EPHA4: variants seen among roughly 807,000 people sequenced by gnomAD.
EPHA4 encodes the protein EPH receptor A4, also known as ephrin type-A receptor 4.
Under a neutral mutation model 108.3 loss-of-function variants are expected in EPHA4, and 19 were observed. That is an observed-to-expected ratio of 0.18 (90% CI 0.12 to 0.26). EPHA4 has a LOEUF of 0.26. Ranked by LOEUF, EPHA4 falls within the 10% of genes least tolerant of loss-of-function variation. The probability of loss-of-function intolerance (pLI) is 1.00; values close to 1 mark genes in which losing one functional copy is unlikely to be tolerated. For synonymous variants in EPHA4, 449 were observed against 455.5 expected (o/e 0.99, Z 0.18); for missense variants, 917 against 1,254.0 (o/e 0.73, Z 4.06).
chr2:221,482,228 T>C, intron 5 of EPHA4, 124 bp downstream of exon 5: 1 of 1,051,504 alleles, frequency 9.5e-7, no homozygotes, highest in Non-Finnish European at 1.3e-6. Flanking sequence ...ATCTTTTACA[T>C]TATAACGCAG....
At chr2:221,567,861 C>G (rs1574667456) in intron 2 of EPHA4, among the ~76,000 whole-genome samples, 1 of 152,176 alleles carries the variant, frequency 6.6e-6, no homozygotes, top group South Asian at 2.1e-4. Context: ...CATAAACTAT[C>G]AAGCCTGTGA....
intron 8 of EPHA4, among the ~76,000 whole-genome samples, chr2:221,448,440 G>T (rs540090290): frequency 2.0e-5 from 3 of 152,234 alleles, no homozygotes; most frequent in Non-Finnish European, 1.5e-5. Flanking sequence ...GAATTCAATT[G>T]CTCTTAAAAT....
chr2:221,423,945 G>A (rs1463991184), intron 17 of EPHA4, among the ~76,000 whole-genome samples: 3 of 151,656 alleles, frequency 2.0e-5, no homozygotes, highest in Non-Finnish European at 4.4e-5. Flanking sequence ...GTGAAACCCC[G>A]TCTCCACTAA....
At chr2:221,467,547 T>C (rs1691349419) in intron 5 of EPHA4, among the ~76,000 whole-genome samples, 1 of 152,228 alleles carries the variant, frequency 6.6e-6, no homozygotes, top group African/African-American at 2.4e-5. Context: ...TCCTTACTCT[T>C]TGTAGTAAAT....
chr2:221,557,621 T>C (rs980486928), intron 3 of EPHA4, among the ~76,000 whole-genome samples: 30 of 152,254 alleles, frequency 2.0e-4, no homozygotes, highest in Non-Finnish European at 8.8e-5. Flanking sequence ...TTGTGCTAAC[T>C]GTATGTTAAC....
At chr2:221,557,771 A>G (rs752024739) in intron 3 of EPHA4, among the ~76,000 whole-genome samples, 2 of 152,250 alleles carry the variant, frequency 1.3e-5, no homozygotes, top group East Asian at 1.9e-4. Context: ...TTAACATATC[A>G]TATTGATTCC....
chr2:221,568,299 G>A (rs899925140), intron 2 of EPHA4, among the ~76,000 whole-genome samples: 4 of 152,124 alleles, frequency 2.6e-5, no homozygotes, highest in African/African-American at 7.2e-5. Flanking sequence ...AATTAGAAAT[G>A]TCTTCTCTCT....
intron 3 of EPHA4, among the ~76,000 whole-genome samples, chr2:221,560,400 G>T (rs951123984): frequency 7.2e-5 from 11 of 151,906 alleles, no homozygotes; most frequent in Non-Finnish European, 1.0e-4. Flanking sequence ...TTCAAAGGAA[G>T]TTTCTCTTTC....
At chr2:221,566,928 G>A (rs1694670992) in intron 2 of EPHA4, among the ~76,000 whole-genome samples, 1 of 66,036 alleles carries the variant, frequency 1.5e-5, no homozygotes, top group East Asian at 4.5e-4. Context: ...AGGAGAAGGA[G>A]AAGGAGAAGG....
intron 5 of EPHA4, among the ~76,000 whole-genome samples, chr2:221,466,272 T>C (rs1428249783): frequency 1.3e-5 from 2 of 152,228 alleles, no homozygotes; most frequent in East Asian, 3.8e-4. Flanking sequence ...GTTTTCTTTG[T>C]AGAAAAGAGT....
intron 4 of EPHA4, among the ~76,000 whole-genome samples, chr2:221,499,737 TATATATATATATATA>T (rs1559267605): frequency 7.7e-5 from 4 of 52,246 alleles, no homozygotes; most frequent in East Asian, 5.5e-4. Flanking sequence ...TATATATATA[TATATATATATATATA>T]TATATTTTTT....
chr2:221,449,077 C>T (rs1363970706), intron 8 of EPHA4, among the ~76,000 whole-genome samples: 2 of 151,756 alleles, frequency 1.3e-5, no homozygotes, highest in African/African-American at 2.4e-5. Flanking sequence ...GATTTTTTTA[C>T]GTGGAGTGTT....
chr2:221,550,424 A>G (rs1049337807), intron 3 of EPHA4, among the ~76,000 whole-genome samples: 1 of 74,298 alleles, frequency 1.3e-5, no homozygotes, highest in Non-Finnish European at 2.8e-5. Flanking sequence ...AAGGGGAGAG[A>G]GAGAGAGAGA....
intron 4 of EPHA4, 92 bp from the exon 5 acceptor site, chr2:221,482,782 G>T: frequency 8.1e-7 from 1 of 1,240,512 alleles, no homozygotes; most frequent in Non-Finnish European, 1.1e-6. Flanking sequence ...GCTCTCCAAA[G>T]CAAGGCAAAC....
chr2:221,531,541 G>C (rs1271372421), intron 3 of EPHA4, among the ~76,000 whole-genome samples: 12 of 152,078 alleles, frequency 7.9e-5, no homozygotes, highest in African/African-American at 2.9e-4. Context: ...ATAACAGAAA[G>C]GAAAAGTATG....
chr2:221,448,752 C>G (rs1157047764), intron 8 of EPHA4, among the ~76,000 whole-genome samples: 1 of 152,132 alleles, frequency 6.6e-6, no homozygotes, highest in African/African-American at 2.4e-5. Flanking sequence ...CACTTAAGAT[C>G]TCGAACACTG....
chr2:221,499,746 ATATATATATATTTTTTTTTT>A (rs1404588839), intron 4 of EPHA4, among the ~76,000 whole-genome samples: 2 of 48,436 alleles, frequency 4.1e-5, no homozygotes, highest in African/African-American at 2.3e-4. Context: ...ATATATATAT[ATATATATATATTTTTTTTTT>A]TTTTTTTTGA....
chr2:221,468,557 T>C (rs1483829905), intron 5 of EPHA4, among the ~76,000 whole-genome samples: 1 of 152,160 alleles, frequency 6.6e-6, no homozygotes, highest in African/African-American at 2.4e-5. Flanking sequence ...GCTGTAACAT[T>C]TAGCTTTCTG....
At chr2:221,473,220 C>T (rs966250333) in intron 5 of EPHA4, among the ~76,000 whole-genome samples, 14 of 151,804 alleles carry the variant, frequency 9.2e-5, no homozygotes, top group Non-Finnish European at 1.8e-4. Flanking sequence ...GTGGGGGTGG[C>T]GGGTGGAAAG....
Sources: allele counts gnomAD v4.1 joint callset (sites outside exome capture counted in the v4.1 genomes callset), GRCh38; gene constraint gnomAD v4.1.1; transcripts MANE v1.5; gene names NCBI Gene and HGNC (gene_info 2026-07-23, HGNC 2026-07-21).